Variants in STXBP4 observed in about 807,000 individuals in gnomAD.
The protein encoded by STXBP4 is syntaxin-binding protein 4.
Under a neutral mutation model 76.1 loss-of-function variants are expected in STXBP4, and 55 were observed. That is an observed-to-expected ratio of 0.72 (90% confidence interval 0.58 to 0.91). The LOEUF is 0.91. Ranked by LOEUF, STXBP4 falls within the 40% of genes least tolerant of loss-of-function variation. The probability of loss-of-function intolerance (pLI) is 0.00; values close to 1 mark genes in which losing one functional copy is unlikely to be tolerated. For missense variants in STXBP4, 618 were observed against 636.9 expected, an observed-to-expected ratio of 0.97 and a Z score of 0.32; for synonymous variants, 201 against 220.2, an observed-to-expected ratio of 0.91 and a Z score of 0.77.
rs2080091421 is a variant in STXBP4 at position 55,141,256 on chromosome 17, T to C, written c.1490-54T>C. 2.1e-6 allele frequency: 3 copies of C among 1,449,384 alleles called. No homozygotes were observed. The Admixed American group carries it at 5.3e-5, about 26-fold the overall frequency. The allele number at this position is 1,449,384 out of a possible 1,614,324, so 89.8% of individuals were successfully genotyped here. On this transcript the variant is annotated intron_variant, in intron 16 of 17. Transcript: ENST00000376352. ...ATGAGGGAGGTTTGTGTCCAGGAAA[T>C]AAAGTTATCTTTATCATCTTATTAA...
At chr17:54,977,767 A>G (rs574112402) in intron 1 of STXBP4, among the ~76,000 whole-genome samples, 4 of 152,354 alleles carry the variant, frequency 2.6e-5, no homozygotes, top group Admixed American at 1.3e-4. Flanking sequence ...GATAAGGTAT[A>G]AAACAAGTTA....
chr17:54,990,141 C>T (rs1317188172), intron 3 of STXBP4, among the ~76,000 whole-genome samples: 1 of 152,132 alleles, frequency 6.6e-6, no homozygotes, highest in East Asian at 1.9e-4. Context: ...AAAGTATATG[C>T]AAGCAAACTC....
chr17:55,102,570 A>C (rs1252802838), intron 16 of STXBP4, among the ~76,000 whole-genome samples: 1 of 152,208 alleles, frequency 6.6e-6, no homozygotes, highest in African/African-American at 2.4e-5. Context: ...TATTGTGAAC[A>C]GTGCTGCAGT....
At chr17:54,972,242 G>A (rs1449761611) in intron 1 of STXBP4, among the ~76,000 whole-genome samples, 1 of 152,158 alleles carries the variant, frequency 6.6e-6, no homozygotes, top group Non-Finnish European at 1.5e-5. Context: ...TTTGTGTTTT[G>A]TAGGGAGAAG....
intron 16 of STXBP4, among the ~76,000 whole-genome samples, chr17:55,128,647 G>A (rs150613202): frequency 2.0e-5 from 3 of 152,078 alleles, no homozygotes; most frequent in East Asian, 3.9e-4. Flanking sequence ...GAGGAGTCTC[G>A]CTCTGTCGCC....
At chr17:55,126,053 A>G (rs868860683) in intron 16 of STXBP4, among the ~76,000 whole-genome samples, 17 of 152,184 alleles carry the variant, frequency 1.1e-4, no homozygotes, top group African/African-American at 4.1e-4. Flanking sequence ...GCTGCTGCCT[A>G]AGAAATAGAA....
At chr17:55,198,061 T>C in the STXBP4 span, among the ~76,000 whole-genome samples, 15 of 152,226 alleles carry the variant, frequency 9.9e-5, no homozygotes, top group African/African-American at 3.6e-4. Context: ...TACAGAATCT[T>C]CTGGGGTCCA....
intron 1 of STXBP4, among the ~76,000 whole-genome samples, chr17:54,978,898 T>C (rs1348217620): frequency 6.6e-6 from 1 of 152,182 alleles, no homozygotes; most frequent in Non-Finnish European, 1.5e-5. Context: ...CTTGCTGTTG[T>C]TTTTTACCTA....
At chr17:55,043,049 G>A (rs1230523729) in intron 10 of STXBP4, among the ~76,000 whole-genome samples, 187 bp from the exon 11 acceptor site, 7 of 152,068 alleles carry the variant, frequency 4.6e-5, no homozygotes, top group Non-Finnish European at 1.0e-4. Context: ...ACAATGTAAG[G>A]TTAAAATGAA....
intron 1 of STXBP4, among the ~76,000 whole-genome samples, chr17:54,980,205 T>A (rs950100065): frequency 6.6e-6 from 1 of 151,968 alleles, no homozygotes; most frequent in Non-Finnish European, 1.5e-5. Flanking sequence ...GAATTTGGGG[T>A]GGGAGGGAAA....
rs147949026 is a variant in STXBP4 at position 55,053,002 on chromosome 17, T to C, written c.1011+5848T>C. Among the ~76,000 whole-genome samples the C allele has an allele frequency of 1.8e-4, 19 of 106,752 alleles. 2 individuals are homozygous for C. Among genetic ancestry groups the C allele is most frequent in the African/African-American group, 6.5e-4 (18 of 27,842 alleles). 70.0% of individuals were successfully genotyped at this position (106,752 alleles called of 152,430 possible). ...GCTATTTTCTTAAAAAAAAAAAAGG[T>C]AATAAAAGTTTACAGGTTAAAAGAT... On this transcript the variant is annotated intron_variant, in intron 12 of 17. Transcript: ENST00000376352.
chr17:54,976,593 T>C (rs2077477560), intron 1 of STXBP4, among the ~76,000 whole-genome samples: 1 of 152,208 alleles, frequency 6.6e-6, no homozygotes, highest in South Asian at 2.1e-4. Flanking sequence ...TAGCCGTCCA[T>C]GGCCTGTTAG....
intron 3 of STXBP4, 83 bp from the exon 4 acceptor site, chr17:54,990,741 AT>A: frequency 6.8e-7 from 1 of 1,471,504 alleles, no homozygotes; most frequent in Non-Finnish European, 9.0e-7. Context: ...TAGATCTCAG[AT>A]TTTGATTTAA....
chr17:55,009,987 C>T (rs1011963859), intron 8 of STXBP4, among the ~76,000 whole-genome samples: 1 of 151,818 alleles, frequency 6.6e-6, no homozygotes, highest in Non-Finnish European at 1.5e-5. Flanking sequence ...TTGTCCATTA[C>T]GTTTTAACAC....
chr17:55,160,477 A>G lies in STXBP4; in HGVS notation c.*566A>G, dbSNP rs2038769015. 2.0e-5 allele frequency: 3 copies of G among 152,616 alleles called. No individual in the cohort carries two copies. The highest frequency in any genetic ancestry group is 1.3e-4 in the Admixed American group (2 of 15,286). 9.5% of individuals were successfully genotyped at this position (152,616 alleles called of 1,614,324 possible). A position where few individuals can be genotyped will look rare whatever the true frequency, so the allele number is the denominator to read the frequency against. On this transcript the variant is annotated 3_prime_UTR_variant, in exon 18 of 18. Coordinates refer to ENST00000376352, the MANE Select transcript of STXBP4 (RefSeq NM_178509.6). ...TTGTAGACCCCATTGTCTTTAAACC[A>G]TACAACATGCCCGTGAAGCTGATCT... is the stretch of plus-strand genomic sequence containing the variant.
intron 9 of STXBP4, 152 bp downstream of exon 9, chr17:55,031,416 C>A (rs2144680073): frequency 5.0e-6 from 3 of 596,552 alleles, no homozygotes; most frequent in Admixed American, 6.3e-5. Flanking sequence ...ACCCAAAGAA[C>A]TCAGCTAGAA....
intron 1 of STXBP4, among the ~76,000 whole-genome samples, chr17:54,983,352 T>G (rs907621100): frequency 1.7e-4 from 26 of 152,322 alleles, no homozygotes; most frequent in African/African-American, 6.3e-4. Flanking sequence ...TATTGTAGAG[T>G]AGCATTTATA....
intron 12 of STXBP4, among the ~76,000 whole-genome samples, chr17:55,071,271 C>T (rs2079116026): frequency 1.3e-5 from 2 of 152,138 alleles, no homozygotes; most frequent in South Asian, 4.1e-4. Flanking sequence ...CAACGGCCTA[C>T]AAATTCTCTT....
At chr17:55,126,980 T>C (rs1410549759) in intron 16 of STXBP4, among the ~76,000 whole-genome samples, 1 of 152,198 alleles carries the variant, frequency 6.6e-6, no homozygotes, top group Non-Finnish European at 1.5e-5. Flanking sequence ...TTCAGGATAT[T>C]TCCCCTGCTT....
Sources: allele counts gnomAD v4.1 joint callset (sites outside exome capture counted in the v4.1 genomes callset), GRCh38; gene constraint gnomAD v4.1.1; transcripts MANE v1.5; gene names NCBI Gene and HGNC (gene_info 2026-07-23, HGNC 2026-07-21).